RANBP2: variants seen among roughly 807,000 people sequenced by gnomAD.
RANBP2 encodes E3 SUMO-protein ligase RanBP2.
RANBP2 carries 57 observed loss-of-function variants against 303.6 expected under a neutral mutation model. That is an observed-to-expected ratio of 0.19 (90% CI 0.15 to 0.23). The LOEUF is 0.23. Ranked by LOEUF, RANBP2 falls within the 10% of genes least tolerant of loss-of-function variation. RANBP2 has a pLI of 1.00. For synonymous variants in RANBP2, 1,167 were observed against 1,301.5 expected (o/e 0.90, Z 2.23); for missense variants, 3,138 against 3,780.8 (o/e 0.83, Z 4.46).
At chr2:108,810,021 G>A in the RANBP2 span, among the ~76,000 whole-genome samples, 1 of 152,176 alleles carries the variant, frequency 6.6e-6, no homozygotes, top group African/African-American at 2.4e-5. Context: ...GGCCAGGGTG[G>A]TCTTGAACTC....
At chr2:109,508,928 G>T in the RANBP2 span, among the ~76,000 whole-genome samples, 64 of 152,346 alleles carry the variant, frequency 4.2e-4, 1 homozygote, top group African/African-American at 1.5e-3. Flanking sequence ...GGGACGGGGG[G>T]ATGCAGTCCA....
the RANBP2 span, chr2:109,564,361 C>T: frequency 5.8e-5 from 90 of 1,540,850 alleles, no homozygotes; most frequent in South Asian, 1.0e-3. Context: ...AGAACCCCAC[C>T]CTACCTGACT....
At chr2:109,081,055 C>A in the RANBP2 span, among the ~76,000 whole-genome samples, 3 of 152,180 alleles carry the variant, frequency 2.0e-5, no homozygotes, top group African/African-American at 7.2e-5. Context: ...GTGTGCCTGC[C>A]CAACTGAGAT....
the RANBP2 span, among the ~76,000 whole-genome samples, chr2:109,560,723 A>C: frequency 2.0e-4 from 30 of 152,120 alleles, no homozygotes; most frequent in African/African-American, 3.6e-4. Flanking sequence ...CACACACACA[A>C]AAAAGCTAGT....
the RANBP2 span, among the ~76,000 whole-genome samples, chr2:109,442,031 G>C: frequency 6.6e-6 from 1 of 152,146 alleles, no homozygotes; most frequent in Non-Finnish European, 1.5e-5. Context: ...CACACTATTG[G>C]CCAGGCACAG....
the RANBP2 span, among the ~76,000 whole-genome samples, chr2:108,865,877 G>C: frequency 6.6e-6 from 1 of 152,138 alleles, no homozygotes; most frequent in South Asian, 2.1e-4. Context: ...AGAGTTTGTT[G>C]GGTTCTGTCA....
chr2:108,738,919 C>T (rs1270340235), intron 6 of RANBP2, among the ~76,000 whole-genome samples: 1 of 151,824 alleles, frequency 6.6e-6, no homozygotes, highest in African/African-American at 2.4e-5. Context: ...TGTGAGCCAC[C>T]GCACAGGGCC....
chr2:109,767,105 T>G, the RANBP2 span, among the ~76,000 whole-genome samples: 1 of 143,782 alleles, frequency 7.0e-6, no homozygotes, highest in African/African-American at 2.6e-5. Context: ...GCCTACCTCA[T>G]AAGGTTGTGA....
the RANBP2 span, among the ~76,000 whole-genome samples, chr2:109,000,465 G>A: frequency 1.3e-5 from 2 of 152,186 alleles, no homozygotes; most frequent in Non-Finnish European, 2.9e-5. Context: ...GACAGAGGCT[G>A]CAGGCTGCAG....
the RANBP2 span, among the ~76,000 whole-genome samples, chr2:109,648,652 CTTTTTT>C: frequency 7.6e-6 from 1 of 131,318 alleles, no homozygotes; most frequent in Middle Eastern, 4.0e-3. Flanking sequence ...TGATTTACAT[CTTTTTT>C]TTTTTTTTTT....
In RANBP2 at chr2:108,768,024, T is replaced by A; in HGVS notation, c.7485T>A (p.Val2495=). Residue 2495 remains valine, a synonymous_variant, in exon 20 of 29, where the codon GTT becomes GTA. Coordinates refer to ENST00000283195, the MANE Select transcript of RANBP2 (RefSeq NM_006267.5). ...ATGTAGCAGATGCAACTTCAGAAGT[T>A]GAAGTGTCTAGCACATCTGAAACAA... The part of the protein sequence containing the change: ...GDDVADATSE[V]EVSSTSETTP... 6.2e-7 allele frequency: 1 copy of A among 1,612,032 alleles called. No homozygotes were observed. The highest frequency in any genetic ancestry group is 8.5e-7 in the Non-Finnish European group (1 of 1,179,870).
At chr2:109,643,305 C>A in the RANBP2 span, among the ~76,000 whole-genome samples, 6 of 152,068 alleles carry the variant, frequency 3.9e-5, no homozygotes, top group African/African-American at 9.7e-5. Flanking sequence ...GCGTTTGAAC[C>A]AGAGCAACTC....
chr2:108,926,233 C>T, the RANBP2 span, among the ~76,000 whole-genome samples: 4 of 152,134 alleles, frequency 2.6e-5, no homozygotes, highest in Non-Finnish European at 5.9e-5. Flanking sequence ...ACAGAGTGTC[C>T]GGTCCCTTCG....
At chr2:109,150,804 G>C in the RANBP2 span, among the ~76,000 whole-genome samples, 2 of 152,030 alleles carry the variant, frequency 1.3e-5, no homozygotes, top group Admixed American at 6.5e-5. Context: ...TTATCAGGCT[G>C]TTCAGACTTG....
the RANBP2 span, among the ~76,000 whole-genome samples, chr2:109,633,799 G>C: frequency 6.6e-6 from 1 of 152,308 alleles, no homozygotes; most frequent in East Asian, 1.9e-4. Context: ...GAGACTGCTA[G>C]ATTCCAGGAC....
chr2:109,338,756 C>T, the RANBP2 span, among the ~76,000 whole-genome samples: 1 of 152,148 alleles, frequency 6.6e-6, no homozygotes, highest in Non-Finnish European at 1.5e-5. Context: ...TGGAGTTTCA[C>T]CATGTTGGCC....
the RANBP2 span, among the ~76,000 whole-genome samples, chr2:108,909,681 C>T: frequency 3.3e-5 from 5 of 152,232 alleles, no homozygotes; most frequent in East Asian, 1.9e-4. Flanking sequence ...TTGGAAGCTA[C>T]GCAGGACCAA....
At chr2:109,710,342 A>C in the RANBP2 span, among the ~76,000 whole-genome samples, 6 of 150,292 alleles carry the variant, frequency 4.0e-5, no homozygotes, top group Admixed American at 3.3e-4. Flanking sequence ...AGATAACGCC[A>C]TTGCACTCCA....
the RANBP2 span, among the ~76,000 whole-genome samples, chr2:109,304,112 AAG>A: frequency 1.1e-4 from 16 of 151,560 alleles, 1 homozygote; most frequent in African/African-American, 2.9e-4. Context: ...AAAAAAAAAA[AAG>A]AAAGATCTAC....
Sources: allele counts gnomAD v4.1 joint callset (sites outside exome capture counted in the v4.1 genomes callset), GRCh38; gene constraint gnomAD v4.1.1; transcripts MANE v1.5; gene names NCBI Gene and HGNC (gene_info 2026-07-23, HGNC 2026-07-21).